The following RORA variants were observed in gnomAD, a reference collection of about 807,000 sequenced individuals.
RORA encodes the protein RAR related orphan receptor A.
In RORA, 7 loss-of-function variants were observed where a neutral mutation model predicts 69.5. The observed-to-expected ratio is 0.10, with a 90% CI of 0.06 to 0.19. The LOEUF (loss-of-function observed/expected upper bound fraction) is 0.19, where lower values mean the gene tolerates loss of function less well. RORA is among the 10% of genes least tolerant of loss of function. RORA has a pLI of 1.00. For synonymous variants in RORA, 261 were observed against 240.8 expected (o/e 1.08, Z -0.78); for missense variants, 457 against 663.0 (o/e 0.69, Z 3.41).
intron 1 of RORA, among the ~76,000 whole-genome samples, chr15:61,023,551 G>T (rs906654922): frequency 6.6e-6 from 1 of 152,174 alleles, no homozygotes; most frequent in Non-Finnish European, 1.5e-5. Context: ...TGAGATTTGG[G>T]TAGGGACACA....
rs1216182873 is a variant in RORA, at chr15:60,905,005, G to A, written c.167-226319C>T. On this transcript the variant is annotated intron_variant, in intron 1 of 10. Coordinates refer to ENST00000335670, the MANE Select transcript of RORA (RefSeq NM_134261.3). The surrounding 1 kb of genome is among the most constrained non-coding windows in gnomAD (Gnocchi z 4.8). ...GGGAACTCAAAAAATGTGAGGTTGG[G>A]ATGAGCTGCATGAAGGACTGCATTA... Among the ~76,000 whole-genome samples, 1 of 152,120 alleles carries A rather than the reference G, an allele frequency of 6.6e-6. No homozygotes were observed. The highest frequency in any genetic ancestry group is 2.4e-5 in the African/African-American group (1 of 41,406).
At chr15:60,661,858 T>C (rs1828201037) in intron 2 of RORA, among the ~76,000 whole-genome samples, 1 of 152,200 alleles carries the variant, frequency 6.6e-6, no homozygotes, top group South Asian at 2.1e-4. Flanking sequence ...CAGGGGTATT[T>C]TGACTTGTGA....
chr15:61,012,571 T>A (rs913636669), intron 1 of RORA, among the ~76,000 whole-genome samples: 1 of 152,224 alleles, frequency 6.6e-6, no homozygotes, highest in African/African-American at 2.4e-5. Context: ...AATAATAGAC[T>A]TGTAGGTTAG....
chr15:60,774,919 C>A (rs188333904), intron 1 of RORA, among the ~76,000 whole-genome samples: 1 of 152,306 alleles, frequency 6.6e-6, no homozygotes, highest in East Asian at 1.9e-4. Flanking sequence ...ATTATAGTAT[C>A]AATTCATGAT....
chr15:60,583,523 C>A (rs1380207814), intron 2 of RORA, among the ~76,000 whole-genome samples: 1 of 152,196 alleles, frequency 6.6e-6, no homozygotes. Context: ...GTCTATGTCA[C>A]ATGCAGAGGC....
At chr15:60,842,624 A>G (rs1360071718) in intron 1 of RORA, among the ~76,000 whole-genome samples, 2 of 152,136 alleles carry the variant, frequency 1.3e-5, no homozygotes, top group Admixed American at 1.3e-4. Flanking sequence ...TTATGATGTC[A>G]AAACCCATGC....
At chr15:60,780,393 G>C (rs1208143214) in intron 1 of RORA, among the ~76,000 whole-genome samples, 1 of 152,176 alleles carries the variant, frequency 6.6e-6, no homozygotes, top group South Asian at 2.1e-4. Context: ...TGTAGACAGT[G>C]AACATCCGCA....
chr15:61,012,576 G>A (rs560316762), intron 1 of RORA, among the ~76,000 whole-genome samples: 1 of 152,272 alleles, frequency 6.6e-6, no homozygotes, highest in African/African-American at 2.4e-5. Context: ...TAGACTTGTA[G>A]GTTAGCAGAT....
chr15:60,882,974 T>G (rs2073702420), intron 1 of RORA, among the ~76,000 whole-genome samples: 1 of 151,292 alleles, frequency 6.6e-6, no homozygotes, highest in Non-Finnish European at 1.5e-5. Context: ...CTACTAAAAA[T>G]ACAAAAATTA....
rs768231021 is a variant in RORA at position 60,497,438 on chromosome 15, T to C, written c.*17A>G. On this transcript the variant is annotated 3_prime_UTR_variant, in exon 11 of 11. Transcript: ENST00000335670. ...GTTTGTACTTCAGACATTCTAGAAG[T>C]GCTTAGGTGATAACATTTACCCATC... is the stretch of plus-strand genomic sequence containing the variant. 1 of 1,611,466 alleles carries C rather than the reference T, an allele frequency of 6.2e-7. No homozygotes were observed. The highest frequency in any genetic ancestry group is 8.5e-7 in the Non-Finnish European group (1 of 1,177,758).
At chr15:61,140,017 C>T (rs1329517962) in intron 1 of RORA, among the ~76,000 whole-genome samples, 2 of 152,184 alleles carry the variant, frequency 1.3e-5, no homozygotes, top group African/African-American at 4.8e-5. Flanking sequence ...ACTTCATTTG[C>T]ACATTCTCAG....
intron 1 of RORA, among the ~76,000 whole-genome samples, chr15:61,025,341 A>G (rs945129575): frequency 6.6e-6 from 1 of 152,154 alleles, no homozygotes. Flanking sequence ...CAGCCCCCAG[A>G]CAGCCGCTCA....
intron 1 of RORA, among the ~76,000 whole-genome samples, chr15:61,156,508 C>T (rs925910529): frequency 1.3e-5 from 2 of 152,124 alleles, no homozygotes; most frequent in African/African-American, 2.4e-5. Flanking sequence ...ATTACCTTCC[C>T]CAGAGACCTG....
intron 1 of RORA, chr15:60,764,678 A>T (rs1464259120): frequency 2.2e-4 from 34 of 152,184 alleles, no homozygotes; most frequent in Admixed American, 2.2e-3. Context: ...CTGAGCTTTC[A>T]TCTGGATATG....
chr15:60,540,574 C>CCCGCCG (rs1555428642), intron 2 of RORA, among the ~76,000 whole-genome samples: 8,430 of 102,454 alleles, frequency 0.082, 1,194 homozygotes, highest in East Asian at 0.19. Flanking sequence ...ACCCCCCCCC[C>CCCGCCG]CCAAAACTGT....
intron 1 of RORA, among the ~76,000 whole-genome samples, chr15:60,857,833 T>C (rs2073396898): frequency 6.6e-6 from 1 of 152,184 alleles, no homozygotes; most frequent in African/African-American, 2.4e-5. Context: ...TCCCAGGATA[T>C]TAGAGCTGGA....
chr15:61,050,861 G>T (rs1394202705), intron 1 of RORA, among the ~76,000 whole-genome samples: 1 of 152,146 alleles, frequency 6.6e-6, no homozygotes, highest in Non-Finnish European at 1.5e-5. Context: ...CAAGTCTTAG[G>T]TTGACTAACT....
intron 1 of RORA, among the ~76,000 whole-genome samples, chr15:60,812,890 A>T (rs1198537941): frequency 6.6e-6 from 1 of 152,242 alleles, no homozygotes; most frequent in Non-Finnish European, 1.5e-5. Flanking sequence ...ATGTCCTATC[A>T]TTGTAATAAA....
intron 1 of RORA, among the ~76,000 whole-genome samples, chr15:60,970,861 A>T (rs1159294001): frequency 6.6e-6 from 1 of 152,288 alleles, no homozygotes; most frequent in East Asian, 1.9e-4. Context: ...AGAACTGTGA[A>T]GCAATTAAGC....
Sources: allele counts gnomAD v4.1 joint callset (sites outside exome capture counted in the v4.1 genomes callset), GRCh38; gene constraint gnomAD v4.1.1; non-coding constraint Gnocchi (gnomAD v3.1); transcripts MANE v1.5; gene names NCBI Gene and HGNC (gene_info 2026-07-23, HGNC 2026-07-21).